Variants in ATP13A1 observed in about 807,000 individuals in gnomAD.
The protein encoded by ATP13A1 is endoplasmic reticulum transmembrane helix translocase.
Under a neutral mutation model 134.8 loss-of-function variants are expected in ATP13A1, and 55 were observed. That is an observed-to-expected ratio of 0.41 (90% CI 0.33 to 0.51). ATP13A1 has a LOEUF of 0.51. Among genes scored for constraint, ATP13A1 ranks in the 20% least tolerant of loss-of-function variants. The probability of loss-of-function intolerance (pLI) is 0.29; values close to 1 mark genes in which losing one functional copy is unlikely to be tolerated. For synonymous variants in ATP13A1, 775 were observed against 725.1 expected (o/e 1.07, Z -1.10); for missense variants, 1,389 against 1,652.8 (o/e 0.84, Z 2.77).
Position 19,659,714 on chromosome 19 carries a change from C to G in ATP13A1, c.564G>C (p.Gln188His), listed in dbSNP as rs376566916. ...CCACAGGAAAGGCCACGGGGAGAAA[C>G]TGCTTCTTCTCCAGGGCATCGTAGG... ...KYSYDALEKK[Q>H]FLPVAFPVGN... Residue 188 changes from glutamine (Q) to histidine (H), a missense_variant, in exon 3 of 26, where the codon CAG (glutamine) becomes CAC (histidine). By Grantham distance (24) the Gln-to-His change is conservative (BLOSUM62 0). Coordinates refer to ENST00000357324, the MANE Select transcript of ATP13A1 (RefSeq NM_020410.3). The G allele has an allele frequency of 1.9e-6, 3 of 1,613,872 alleles. No individual in the cohort carries two copies. Among genetic ancestry groups the G allele is most frequent in the Non-Finnish European group, 2.5e-6 (3 of 1,179,884 alleles).
In ATP13A1 at chr19:19,663,273, G is replaced by C. The variant is rs777820329; in HGVS notation, c.394C>G (p.Pro132Ala). 12 of 1,578,674 alleles carry C rather than the reference G, an allele frequency of 7.6e-6. No individual in the cohort carries two copies. In the African/African-American group the frequency reaches 8.1e-5, roughly 11 times the overall value. ...VHAHCALTCT[P>A]EYDPSKATFV... ...CGGGCTCGCGTGTACACACTTACCG[G>C]GGTGCAGGTGAGCGCGCAATGCGCG... is the stretch of plus-strand genomic sequence containing the variant. The change falls in exon 1 of 26, where the codon CCG (proline) becomes GCG (alanine). Residue 132 changes from proline to alanine, a missense_variant and splice_region_variant. Physicochemically the swap from Pro to Ala is conservative, Grantham distance 27. This residue lies in a region of ATP13A1 where 293 missense variants were observed against 270.8 expected (regional missense o/e 1.08). Coordinates refer to ENST00000357324, the MANE Select transcript of ATP13A1 (RefSeq NM_020410.3).
At chr19:19,662,071 CCA>C in intron 1 of ATP13A1, 1 of 1,575,056 alleles carries the variant, frequency 6.3e-7, no homozygotes, top group African/African-American at 1.3e-5. Flanking sequence ...AAACCCAGAT[CCA>C]CCTCTCCTGG....
Position 19,646,329 on chromosome 19 carries a change from G to C in ATP13A1, c.3124C>G (p.Arg1042Gly), listed in dbSNP as rs1227797324. ...SRSKPLKTLS[R>G]ERPLPNIFNL... is the part of the protein sequence containing the mutation. ...AAGATGTTGGGCAGGGGCCGTTCTC[G>C]GGAGAGGGTCTTGAGGGGCTGCAGC... Residue 1042 changes from arginine (R) to glycine (G), a missense_variant, in exon 23 of 26, where the codon CGA becomes GGA. Arg to Gly is a moderately radical substitution (Grantham distance 125, BLOSUM62 -2). Transcript: ENST00000357324. The C allele has an allele frequency of 6.2e-6, 10 of 1,613,756 alleles. No individual in the cohort carries two copies. The highest frequency in any genetic ancestry group is 7.6e-6 in the Non-Finnish European group (9 of 1,179,836).
rs781283858 is a variant in ATP13A1 at position 19,655,700 on chromosome 19, A to G, written c.1270-46T>C. On this transcript the variant is annotated intron_variant, in intron 9 of 25. Coordinates refer to ENST00000357324, the MANE Select transcript of ATP13A1 (RefSeq NM_020410.3). The surrounding 1 kb of genome is among the most constrained non-coding windows in gnomAD (Gnocchi z 5.7). ...CCTTTCTGCTGTCTGGACTCCCTCC[A>G]GCAGCTCAGGCCTGGAAGCGTGGGC... 12 of 1,592,848 alleles carry G rather than the reference A, an allele frequency of 7.5e-6. No individual in the cohort carries two copies. Among genetic ancestry groups the G allele is most frequent in the Non-Finnish European group, 1.0e-5 (12 of 1,169,986 alleles).
chr19:19,659,606 G>C lies in ATP13A1; in HGVS notation c.672C>G (p.Ser224Arg), dbSNP rs77942672. Residue 224 changes from serine to arginine, a missense_variant, in exon 3 of 26, where the codon AGC becomes AGG. Physicochemically the swap from Ser to Arg is moderately radical, Grantham distance 110 (BLOSUM62 -1). This residue lies in a region of ATP13A1 where 747 missense variants were observed against 956.1 expected (regional missense o/e 0.78). Coordinates refer to ENST00000357324, the MANE Select transcript of ATP13A1 (RefSeq NM_020410.3). ...EIRAAEKKFG[S>R]NKAEMVVPDF... ...CAGGCAAATCAAGGACTCACTTGTT[G>C]CTCCCAAATTTCTTCTCAGCTGCTC... is the stretch of plus-strand genomic sequence containing the variant. The C allele has an allele frequency of 2.6e-4, 415 of 1,609,596 alleles. 1 individual carries two copies. In the East Asian group the frequency reaches 8.7e-3, roughly 34 times the overall value.
rs750513238 is a variant in ATP13A1, at chr19:19,645,405, G to A, written c.*17C>T. The stretch of plus-strand genomic sequence containing the variant: ...CAGCGGCAGCCAGGGTGGGCAGTGG[G>A]TACCAGCACTGCCATCTCAGGAAGG... On this transcript the variant is annotated 3_prime_UTR_variant, in exon 26 of 26. Transcript: ENST00000357324. The surrounding 1 kb of genome is among the most constrained non-coding windows in gnomAD (Gnocchi z 4.1). 2.5e-5 allele frequency: 40 copies of A among 1,581,050 alleles called. No homozygotes were observed. Among genetic ancestry groups the A allele is most frequent in the Non-Finnish European group, 4.3e-6 (5 of 1,165,224 alleles).
rs1555750843 is a variant in ATP13A1 at position 19,648,515 on chromosome 19, A to AAG, written c.2633-757_2633-756insCT. On this transcript the variant is annotated intron_variant, in intron 19 of 25. Coordinates refer to ENST00000357324, the MANE Select transcript of ATP13A1 (RefSeq NM_020410.3). ...AGTTCTTGCAAAAAAAAAAAAAGAA[A>AAG]AAAGAAAAAAAGGCCAGGTGAGGTG... is the stretch of plus-strand genomic sequence containing the variant. 5.3e-3 allele frequency among the ~76,000 whole-genome samples: 799 copies of AAG among 150,710 alleles called. 8 individuals are homozygous for AAG. The highest frequency in any genetic ancestry group is 0.015 in the African/African-American group (621 of 40,832).
Position 19,656,307 on chromosome 19 carries a change from T to C in ATP13A1, c.1084-124A>G, listed in dbSNP as rs2062057688. ...GGGGGATCCCCACCCGACCAATACATCCCACCCAGCTCCCAGATCCTCACC... is the reference window on the plus strand; with the variant it reads ...GGGGGATCCCCACCCGACCAATACACCCCACCCAGCTCCCAGATCCTCACC... On this transcript the variant is annotated intron_variant, in intron 7 of 25. Coordinates refer to ENST00000357324, the MANE Select transcript of ATP13A1 (RefSeq NM_020410.3). This position sits in a 1 kb window ranked among gnomAD's most constrained non-coding sequence, Gnocchi z 4.6. The C allele has an allele frequency of 1.5e-6, 2 of 1,321,644 alleles. No homozygotes were observed. Among genetic ancestry groups the C allele is most frequent in the East Asian group, 2.3e-5 (1 of 42,922 alleles). 81.9% of individuals were successfully genotyped at this position (1,321,644 alleles called of 1,614,324 possible).
In ATP13A1 at chr19:19,645,361, C is replaced by T; in HGVS notation, c.*61G>A. 1.6e-5 allele frequency: 25 copies of T among 1,525,582 alleles called. No homozygotes were observed. The highest frequency in any genetic ancestry group is 2.1e-5 in the Non-Finnish European group (24 of 1,125,472). 94.5% of individuals were successfully genotyped at this position (1,525,582 alleles called of 1,614,324 possible). A position where few individuals can be genotyped will look rare whatever the true frequency, so the allele number is the denominator to read the frequency against. On this transcript the variant is annotated 3_prime_UTR_variant, in exon 26 of 26. Coordinates refer to ENST00000357324, the MANE Select transcript of ATP13A1 (RefSeq NM_020410.3). This position sits in a 1 kb window ranked among gnomAD's most constrained non-coding sequence, Gnocchi z 4.1. The stretch of plus-strand genomic sequence containing the variant: ...TTGGGGGCAGGGTTCCCTCCCGGGG[C>T]CCTGTTGGGGTTCCCGCCCAGCGGC...
At chr19:19,663,028 G>C (rs2062104031) in intron 1 of ATP13A1, 1 of 705,622 alleles carries the variant, frequency 1.4e-6, no homozygotes, top group Non-Finnish European at 2.6e-6. Flanking sequence ...TTACATCACT[G>C]AATCTAAATG....
At chr19:19,659,317 G>A (rs1188873537) in intron 3 of ATP13A1, among the ~76,000 whole-genome samples, 3 of 152,128 alleles carry the variant, frequency 2.0e-5, no homozygotes, top group Non-Finnish European at 4.4e-5. Context: ...TTAGCCAGGC[G>A]TGGTGGGGGG....
In ATP13A1 at chr19:19,647,908, G is replaced by A. The variant is rs1192827601; in HGVS notation, c.2633-149C>T. 9.6e-7 allele frequency: 1 copy of A among 1,040,136 alleles called. No individual in the cohort carries two copies. Among genetic ancestry groups the A allele is most frequent in the Non-Finnish European group, 1.4e-6 (1 of 739,818 alleles). The allele number at this position is 1,040,136 out of a possible 1,614,324, so 64.4% of individuals were successfully genotyped here. Reference sequence around the variant, plus strand: ...CCCATTTCACCTGACACCCTAAGGAGACCTCAGAGAGTGCCCGTGTTGCTT... The same window carrying A: ...CCCATTTCACCTGACACCCTAAGGAAACCTCAGAGAGTGCCCGTGTTGCTT... On this transcript the variant is annotated intron_variant, in intron 19 of 25. Transcript: ENST00000357324. This position sits in a 1 kb window ranked among gnomAD's most constrained non-coding sequence, Gnocchi z 4.8.
In ATP13A1 at chr19:19,649,843, G is replaced by A. The variant is rs756565207; in HGVS notation, c.2433C>T (p.Leu811=). Residue 811 remains leucine (L), a synonymous_variant, in exon 18 of 26, where the codon CTC becomes CTT. Coordinates refer to ENST00000357324, the MANE Select transcript of ATP13A1 (RefSeq NM_020410.3). The part of the protein sequence containing the change: ...KALALEYALC[L]TGDGLAHLQA... ...GCAGGTGGGCCAAGCCGTCGCCTGTGAGGCACAGTGCGTACTCCAGGGCCA... is the reference window on the plus strand; with the variant it reads ...GCAGGTGGGCCAAGCCGTCGCCTGTAAGGCACAGTGCGTACTCCAGGGCCA... 7.5e-6 allele frequency: 12 copies of A among 1,603,838 alleles called. No individual in the cohort carries two copies. The highest frequency in any genetic ancestry group is 4.0e-5 in the African/African-American group (3 of 74,886).
intron 19 of ATP13A1, 86 bp downstream of exon 19, chr19:19,649,481 C>A: frequency 7.0e-7 from 1 of 1,436,444 alleles, no homozygotes; most frequent in Non-Finnish European, 9.6e-7. Flanking sequence ...GTGGCTGTCA[C>A]CAAGGGCCAG....
chr19:19,656,456 G>C lies in ATP13A1; in HGVS notation c.1083+204C>G, dbSNP rs144193693. On this transcript the variant is annotated intron_variant, in intron 7 of 25. Transcript: ENST00000357324. The surrounding 1 kb of genome is among the most constrained non-coding windows in gnomAD (Gnocchi z 4.6). ...AGCCCACCTTGGTCTGACATCCCAG[G>C]GCACCAATGTACCCTGGATGCCCTT... Among the ~76,000 whole-genome samples, 1 of 152,014 alleles carries C rather than the reference G, an allele frequency of 6.6e-6. No individual in the cohort carries two copies. The highest frequency in any genetic ancestry group is 1.5e-5 in the Non-Finnish European group (1 of 67,984).
In ATP13A1 at chr19:19,655,163, C is replaced by T. The variant is rs369096263; in HGVS notation, c.1611G>A (p.Thr537=). The T allele has an allele frequency of 5.3e-5, 86 of 1,613,974 alleles. No individual in the cohort carries two copies. The highest frequency in any genetic ancestry group is 6.9e-5 in the Non-Finnish European group (82 of 1,179,884). ...VEVCCFDKTG[T]LTSDSLVVRG... ...GCACCACCAGGCTGTCACTGGTCAA[C>T]GTCCCCGTCTTGTCAAAGCAGCACA... Residue 537 remains threonine, a synonymous_variant, in exon 12 of 26, where the codon ACG becomes ACA. Coordinates refer to ENST00000357324, the MANE Select transcript of ATP13A1 (RefSeq NM_020410.3). The surrounding 1 kb of genome is among the most constrained non-coding windows in gnomAD (Gnocchi z 5.7).
Position 19,645,234 on chromosome 19 carries a change from G to A in ATP13A1, c.*188C>T. Reference sequence around the variant, plus strand: ...TCAGATGCTGCTTTATTTACCAAAGGTGCTGGCTTGGGGCTGGTTCTGCTG... The same window carrying A: ...TCAGATGCTGCTTTATTTACCAAAGATGCTGGCTTGGGGCTGGTTCTGCTG... On this transcript the variant is annotated 3_prime_UTR_variant, in exon 26 of 26. Coordinates refer to ENST00000357324, the MANE Select transcript of ATP13A1 (RefSeq NM_020410.3). This position sits in a 1 kb window ranked among gnomAD's most constrained non-coding sequence, Gnocchi z 4.1. 3.1e-6 allele frequency: 2 copies of A among 635,644 alleles called. No homozygotes were observed. The highest frequency in any genetic ancestry group is 2.8e-6 in the Non-Finnish European group (1 of 360,738). 39.4% of individuals were successfully genotyped at this position (635,644 alleles called of 1,614,324 possible).
chr19:19,648,805 CT>C (rs2062004338), intron 19 of ATP13A1, among the ~76,000 whole-genome samples: 2 of 52,694 alleles, frequency 3.8e-5, no homozygotes, highest in African/African-American at 1.1e-4. Context: ...GAGAAACTGT[CT>C]CAAAAAAAAA....
Position 19,647,923 on chromosome 19 carries a change from C to T in ATP13A1, c.2633-164G>A, listed in dbSNP as rs2061997109. 6.6e-6 allele frequency among the ~76,000 whole-genome samples: 1 copy of T among 152,134 alleles called. No homozygotes were observed. Among genetic ancestry groups the T allele is most frequent in the African/African-American group, 2.4e-5 (1 of 41,428 alleles). ...ACCCTAAGGAGACCTCAGAGAGTGC[C>T]CGTGTTGCTTTCTACAAACTACTTT... On this transcript the variant is annotated intron_variant, in intron 19 of 25. Transcript: ENST00000357324. The surrounding 1 kb of genome is among the most constrained non-coding windows in gnomAD (Gnocchi z 4.8).
Sources: gnomAD v4.1 joint callset for allele counts (sites outside exome capture counted in the v4.1 genomes callset) on GRCh38, gnomAD v4.1.1 for gene constraint, gnomAD v4.1.1 regional missense constraint, Gnocchi (gnomAD v3.1) non-coding constraint, MANE v1.5 for transcripts, NCBI Gene and HGNC (gene_info 2026-07-23, HGNC 2026-07-21) for gene names.